SUGCT: variants seen among roughly 807,000 people sequenced by gnomAD.
SUGCT encodes the protein succinyl-CoA:glutarate-CoA transferase.
Under a neutral mutation model 55.0 loss-of-function variants are expected in SUGCT, and 41 were observed. That is an observed-to-expected ratio of 0.74 (90% CI 0.58 to 0.97). The LOEUF (loss-of-function observed/expected upper bound fraction) is 0.97. Among genes scored for constraint, SUGCT ranks in the 50% least tolerant of loss-of-function variants. SUGCT has a pLI of 0.00. For missense variants in SUGCT, 568 were observed against 547.8 expected, an observed-to-expected ratio of 1.04 and a Z score of -0.37; for synonymous variants, 187 against 200.4, an observed-to-expected ratio of 0.93 and a Z score of 0.56.
chr7:40,485,513 CCTCCCAAG>C (rs1583805458), intron 11 of SUGCT, among the ~76,000 whole-genome samples: 1 of 146,396 alleles, frequency 6.8e-6, no homozygotes, highest in East Asian at 2.1e-4. Flanking sequence ...GTAGCCTCAA[CCTCCCAAG>C]CTCAAGTGGT....
chr7:40,944,222 T>C, the SUGCT span, among the ~76,000 whole-genome samples: 3 of 152,148 alleles, frequency 2.0e-5, no homozygotes, highest in Non-Finnish European at 2.9e-5. Context: ...TTCTCCCATT[T>C]TATAGGTTGC....
intron 9 of SUGCT, among the ~76,000 whole-genome samples, chr7:40,447,296 A>T (rs980973664): frequency 3.3e-5 from 5 of 152,196 alleles, no homozygotes; most frequent in African/African-American, 1.2e-4. Context: ...AAGTGAAGTG[A>T]AAGACCAAAG....
At chr7:40,374,908 T>A (rs1784471149) in intron 9 of SUGCT, among the ~76,000 whole-genome samples, 1 of 152,070 alleles carries the variant, frequency 6.6e-6, no homozygotes, top group African/African-American at 2.4e-5. Flanking sequence ...AGGGACCAGA[T>A]TATGGATGCT....
At chr7:40,374,584 C>T (rs1469375844) in intron 9 of SUGCT, among the ~76,000 whole-genome samples, 2 of 152,098 alleles carry the variant, frequency 1.3e-5, no homozygotes, top group Non-Finnish European at 2.9e-5. Context: ...TCAAATTGAA[C>T]GGTTCATGGA....
chr7:41,035,601 T>C, the SUGCT span, among the ~76,000 whole-genome samples: 1 of 152,350 alleles, frequency 6.6e-6, no homozygotes, highest in African/African-American at 2.4e-5. Flanking sequence ...TAAATATCTT[T>C]TTTGAAATTT....
rs1562673447 is a variant in SUGCT at position 40,316,731 on chromosome 7, T to TTTTA, written c.721-20_721-17dup. On this transcript the variant is annotated intron_variant, in intron 8 of 13. Transcript: ENST00000335693. ...GAGTATAGATAAACTAGCTGTTCTATTTTATTTATTTACTTTTTTTCCTGG... is the reference window on the plus strand; with the variant it reads ...GAGTATAGATAAACTAGCTGTTCTATTTTATTTATTTATTTACTTTTTTTCCTGG... The TTTTA allele has an allele frequency of 7.8e-6, 11 of 1,401,836 alleles. No individual in the cohort carries two copies. In the South Asian group the frequency reaches 1.4e-4, roughly 17 times the overall value. The allele number at this position is 1,401,836 out of a possible 1,614,324, so 86.8% of individuals were successfully genotyped here. A position where few individuals can be genotyped will look rare whatever the true frequency, so the allele number is the denominator to read the frequency against.
chr7:40,772,546 CTATCT>C (rs1208194627), intron 13 of SUGCT, among the ~76,000 whole-genome samples: 10 of 148,174 alleles, frequency 6.7e-5, no homozygotes, highest in Admixed American at 2.0e-4. Flanking sequence ...ATCTATCTAT[CTATCT>C]ATCTATCTAT....
intron 12 of SUGCT, among the ~76,000 whole-genome samples, chr7:40,605,123 A>T (rs979678647): frequency 2.0e-5 from 3 of 152,250 alleles, no homozygotes; most frequent in Non-Finnish European, 2.9e-5. Context: ...CTCAGGAGTG[A>T]TGCTCTACCA....
intron 13 of SUGCT, among the ~76,000 whole-genome samples, chr7:40,791,435 G>A (rs1009595123): frequency 1.5e-5 from 2 of 130,772 alleles, no homozygotes; most frequent in Non-Finnish European, 3.4e-5. Context: ...TCCAGGAACT[G>A]CTAACGCTAG....
chr7:40,373,508 CAT>C (rs1267124944), intron 9 of SUGCT, among the ~76,000 whole-genome samples: 1 of 151,782 alleles, frequency 6.6e-6, no homozygotes, highest in Non-Finnish European at 1.5e-5. Flanking sequence ...ACTCATTTGA[CAT>C]GTGAGTATTT....
intron 12 of SUGCT, among the ~76,000 whole-genome samples, chr7:40,642,607 A>C (rs189299834): frequency 6.6e-6 from 1 of 152,320 alleles, no homozygotes; most frequent in East Asian, 1.9e-4. Flanking sequence ...AAGGGACTAA[A>C]GCCTGTTATT....
In SUGCT at chr7:40,498,389, G is replaced by T. The variant is rs374690002; in HGVS notation, c.1089+2003G>T. ...CATTTTGAATTTATTTATTAGAAAGGTAGGGGTTAATGAGTTGTTTAACTC... is the reference window on the plus strand; with the variant it reads ...CATTTTGAATTTATTTATTAGAAAGTTAGGGGTTAATGAGTTGTTTAACTC... On this transcript the variant is annotated intron_variant, in intron 12 of 13. Transcript: ENST00000335693. 6.6e-5 allele frequency among the ~76,000 whole-genome samples: 10 copies of T among 152,152 alleles called. No individual in the cohort carries two copies. In the East Asian group the frequency reaches 1.5e-3, roughly 23 times the overall value.
intron 13 of SUGCT, among the ~76,000 whole-genome samples, chr7:40,758,121 C>T (rs1788348156): frequency 6.6e-6 from 1 of 151,560 alleles, no homozygotes; most frequent in African/African-American, 2.4e-5. Context: ...GTGGCTTCAG[C>T]TAGGAGTGAG....
Position 40,661,851 on chromosome 7 carries a change from T to TAA in SUGCT, c.1090-87582_1090-87581insAA, listed in dbSNP as rs1801344296. ...TTTTTCTCTACCATGTTTTACATGT[T>TAA]AGTGCTTCAGCCATACCCTCTCTCC... is the stretch of plus-strand genomic sequence containing the variant. On this transcript the variant is annotated intron_variant, in intron 12 of 13. Transcript: ENST00000335693. 7.9e-5 allele frequency among the ~76,000 whole-genome samples: 12 copies of TAA among 152,326 alleles called. 1 individual carries two copies. The highest frequency in any genetic ancestry group is 3.4e-3 in the Middle Eastern group (1 of 294).
intron 3 of SUGCT, among the ~76,000 whole-genome samples, chr7:40,185,530 C>T (rs6462962): frequency 0.51 from 76,831 of 151,006 alleles, 19,897 homozygotes; most frequent in Middle Eastern, 0.64. Flanking sequence ...TTATTGTCTT[C>T]TTTTTTTTGA....
At chr7:40,229,182 G>C (rs1486044032) in intron 6 of SUGCT, among the ~76,000 whole-genome samples, 2 of 152,156 alleles carry the variant, frequency 1.3e-5, no homozygotes, top group African/African-American at 4.8e-5. Flanking sequence ...GTTAGTCTTT[G>C]ATTCTAGGCC....
At chr7:40,956,764 A>G in the SUGCT span, among the ~76,000 whole-genome samples, 3 of 152,134 alleles carry the variant, frequency 2.0e-5, no homozygotes, top group African/African-American at 7.2e-5. Flanking sequence ...TAGTGCTATA[A>G]ATTTCCCTCT....
chr7:40,437,333 A>G (rs1265959591), intron 9 of SUGCT, among the ~76,000 whole-genome samples: 1 of 152,186 alleles, frequency 6.6e-6, no homozygotes, highest in Non-Finnish European at 1.5e-5. Context: ...GAGCATTCCA[A>G]TTTCCTATTA....
intron 8 of SUGCT, among the ~76,000 whole-genome samples, chr7:40,295,544 C>G (rs1179813953): frequency 6.6e-6 from 1 of 151,968 alleles, no homozygotes; most frequent in African/African-American, 2.4e-5. Context: ...CCACTGCACT[C>G]CAGCCTGGGT....
Sources: allele counts gnomAD v4.1 joint callset (sites outside exome capture counted in the v4.1 genomes callset), GRCh38; gene constraint gnomAD v4.1.1; transcripts MANE v1.5; gene names NCBI Gene and HGNC (gene_info 2026-07-23, HGNC 2026-07-21).